Variants in KRT7 observed in about 807,000 individuals in gnomAD.
KRT7 encodes the protein keratin 7, also known as keratin, type II cytoskeletal 7.
A neutral mutation model predicts 42.8 loss-of-function variants in KRT7; 50 were observed. The ratio of observed to expected loss-of-function variants is 1.17; its 90% confidence interval spans 0.93 to 1.48. KRT7 has a LOEUF of 1.48. KRT7 is among the 40% of genes most tolerant of loss of function. The probability of loss-of-function intolerance (pLI) is 0.00; values close to 1 mark genes in which losing one functional copy is unlikely to be tolerated. For missense variants in KRT7, 588 were observed against 637.6 expected, an observed-to-expected ratio of 0.92 and a Z score of 0.84; for synonymous variants, 268 against 266.3, an observed-to-expected ratio of 1.01 and a Z score of -0.06.
chr12:52,236,198 C>CT (rs533914218), intron 2 of KRT7, among the ~76,000 whole-genome samples: 1 of 7,490 alleles, frequency 1.3e-4, no homozygotes, highest in Admixed American at 1.6e-3. Flanking sequence ...CTGTGGAGTG[C>CT]CCCCCCCCAA....
Position 52,237,512 on chromosome 12 carries a change from C to T in KRT7, c.540C>T (p.Tyr180=), listed in dbSNP as rs370238816. Residue 180 remains tyrosine, a synonymous_variant, in exon 3 of 9, where the codon TAC becomes TAT. Coordinates refer to ENST00000331817, the MANE Select transcript of KRT7 (RefSeq NM_005556.4). ...QDVVEDFKNK[Y]EDEINHRTAA... ...ACCAGGCCCTCCTCTACTGTAGGTA[C>T]GAAGATGAAATTAACCACCGCACAG... The T allele has an allele frequency of 1.8e-5, 29 of 1,609,992 alleles. No homozygotes were observed. The Admixed American group carries it at 2.5e-4, about 14-fold the overall frequency.
chr12:52,252,577 G>A, downstream of KRT7: 13 of 1,465,154 alleles, frequency 8.9e-6, no homozygotes, highest in Non-Finnish European at 1.2e-5. Context: ...AGAAAAAGAG[G>A]CCTTGTCTAT....
downstream of KRT7, chr12:52,253,685 G>A: frequency 6.9e-7 from 1 of 1,453,158 alleles, no homozygotes; most frequent in Non-Finnish European, 9.3e-7. Context: ...TGATGACACA[G>A]TGCATGTTCA....
At position 52,243,081 on chromosome 12, in the gene KRT7, G is replaced by C; in HGVS notation, c.928G>C (p.Glu310Gln). Residue 310 changes from glutamate to glutamine, a missense_variant, in exon 6 of 9, where the codon GAG (glutamate) becomes CAG (glutamine). By Grantham distance (29) the Glu-to-Gln change is conservative. Coordinates refer to ENST00000331817, the MANE Select transcript of KRT7 (RefSeq NM_005556.4). ...CCGGAATACCCGGAATGAGATTTCA[G>C]AGATGAACCGGGCCATCCAGAGGCT... Reference protein sequence around the residue: ...DLRNTRNEISEMNRAIQRLQA... With the variant: ...DLRNTRNEISQMNRAIQRLQA... 2 of 1,613,988 alleles carry C rather than the reference G, an allele frequency of 1.2e-6. No homozygotes were observed. The highest frequency in any genetic ancestry group is 8.5e-7 in the Non-Finnish European group (1 of 1,179,914).
chr12:52,247,250 A>G (rs1464703569), intron 7 of KRT7: 1 of 152,196 alleles, frequency 6.6e-6, no homozygotes, highest in African/African-American at 2.4e-5. Flanking sequence ...TTCCTTAGGC[A>G]TCGTACCAGA....
At chr12:52,235,715 C>T (rs111344547) in intron 2 of KRT7, among the ~76,000 whole-genome samples, 2,645 of 152,218 alleles carry the variant, frequency 0.017, 86 homozygotes, top group African/African-American at 0.06. Context: ...CTGGTATGAC[C>T]TTCACAGATT....
intron 2 of KRT7, among the ~76,000 whole-genome samples, chr12:52,236,527 C>A (rs1257580860): frequency 6.6e-6 from 1 of 152,170 alleles, no homozygotes. Flanking sequence ...ACCCTCTTGA[C>A]CTGGCTGTGC....
intron 6 of KRT7, 30 bp from the exon 7 acceptor site, chr12:52,245,382 C>A: frequency 4.4e-6 from 7 of 1,608,938 alleles, no homozygotes; most frequent in Non-Finnish European, 5.9e-6. Context: ...ACTGGTGAGC[C>A]CCAGCTTACA....
At chr12:52,237,639 ACC>A in intron 3 of KRT7, 70 bp downstream of exon 3, 2 of 1,355,914 alleles carry the variant, frequency 1.5e-6, no homozygotes, top group Non-Finnish European at 2.1e-6. Flanking sequence ...GGATCCTCTC[ACC>A]TGAGCAGCCC....
chr12:52,238,875 T>G (rs920254634), intron 4 of KRT7, 100 bp downstream of exon 4: 4 of 755,150 alleles, frequency 5.3e-6, no homozygotes, highest in Non-Finnish European at 9.3e-6. Context: ...CAGATATGTG[T>G]CAGTGTGAGA....
chr12:52,252,211 A>T, downstream of KRT7: 1 of 1,606,980 alleles, frequency 6.2e-7, no homozygotes, highest in East Asian at 2.2e-5. Context: ...GCACTGCAGC[A>T]CTGCCTGGGG....
intron 3 of KRT7, 192 bp downstream of exon 3, chr12:52,237,761 T>TGTGTGG (rs1942032512): frequency 2.4e-6 from 1 of 419,838 alleles, no homozygotes; most frequent in African/African-American, 2.1e-5. Flanking sequence ...TGTGTGTGTG[T>TGTGTGG]GGTGACTGAT....
chr12:52,251,168 C>T (rs758626058), downstream of KRT7, among the ~76,000 whole-genome samples: 6 of 152,076 alleles, frequency 3.9e-5, no homozygotes, highest in Admixed American at 1.3e-4. Flanking sequence ...TTAGTAGAGA[C>T]GGGGTTTCAC....
chr12:52,252,227 T>G (rs748595690), downstream of KRT7: 2 of 1,613,178 alleles, frequency 1.2e-6, no homozygotes, highest in South Asian at 2.2e-5. Flanking sequence ...TGGGGGAAAC[T>G]GAGGGGACAC....
chr12:52,247,054 G>T (rs1424454777), intron 7 of KRT7: 1 of 152,114 alleles, frequency 6.6e-6, no homozygotes, highest in East Asian at 1.9e-4. Flanking sequence ...CCCAACCCTG[G>T]GGGGATATGG....
chr12:52,253,756 C>T (rs182153411), downstream of KRT7: 49 of 960,700 alleles, frequency 5.1e-5, no homozygotes, highest in East Asian at 1.2e-3. Flanking sequence ...GACTGGAGAA[C>T]GCGGATCTCC....
In KRT7 at chr12:52,248,646, C is replaced by G. The variant is rs73317421; in HGVS notation, c.1296C>G (p.Leu432=). ...SSSGGGIGLT[L]GGTMGSNALS... Reference sequence around the variant, plus strand: ...GTGGCGGTGGCATTGGGCTGACCCTCGGGGGAACCATGGGCAGCAATGCCC... The same window carrying G: ...GTGGCGGTGGCATTGGGCTGACCCTGGGGGGAACCATGGGCAGCAATGCCC... The change falls in exon 9 of 9, where the codon CTC becomes CTG. Residue 432 remains leucine (L), a synonymous_variant. Coordinates refer to ENST00000331817, the MANE Select transcript of KRT7 (RefSeq NM_005556.4). 1.2e-6 allele frequency: 2 copies of G among 1,611,698 alleles called. No individual in the cohort carries two copies. Among genetic ancestry groups the G allele is most frequent in the Non-Finnish European group, 8.5e-7 (1 of 1,178,774 alleles).
At chr12:52,254,271 C>G (rs1395079380), downstream of KRT7, 2 of 945,368 alleles carry the variant, frequency 2.1e-6, no homozygotes, top group East Asian at 6.5e-5. Flanking sequence ...CCCCGCACCT[C>G]CTCATATAGC....
chr12:52,241,270 C>T (rs762330074), intron 4 of KRT7, among the ~76,000 whole-genome samples: 19 of 152,170 alleles, frequency 1.2e-4, no homozygotes, highest in Non-Finnish European at 2.2e-4. Context: ...GTTTGAGACA[C>T]TGCTAATGGG....
Sources: gnomAD v4.1 joint callset for allele counts (sites outside exome capture counted in the v4.1 genomes callset) on GRCh38, gnomAD v4.1.1 for gene constraint, MANE v1.5 for transcripts, NCBI Gene and HGNC (gene_info 2026-07-23, HGNC 2026-07-21) for gene names.